The following ENTPD1 variants were observed in gnomAD, a reference collection of about 807,000 sequenced individuals.
ENTPD1 encodes ATP diphosphohydrolase.
In ENTPD1, 33 loss-of-function variants were observed where a neutral mutation model predicts 57.0. The observed-to-expected ratio is 0.58, with a 90% CI of 0.44 to 0.77. The LOEUF (loss-of-function observed/expected upper bound fraction) is 0.77, where lower values mean the gene tolerates loss of function less well. Ranked by LOEUF, ENTPD1 falls within the 30% of genes least tolerant of loss-of-function variation. ENTPD1 has a pLI of 0.00. For synonymous variants in ENTPD1, 202 were observed against 218.8 expected (o/e 0.92, Z 0.68); for missense variants, 501 against 603.4 (o/e 0.83, Z 1.78).
chr10:95,706,534 G>C, the ENTPD1 span, among the ~76,000 whole-genome samples: 1 of 152,150 alleles, frequency 6.6e-6, no homozygotes, highest in Non-Finnish European at 1.5e-5. Flanking sequence ...TCAGCAGAGA[G>C]GAGGCCCTGG....
At chr10:95,775,517 T>G (rs974115803) in intron 1 of ENTPD1, among the ~76,000 whole-genome samples, 2 of 152,210 alleles carry the variant, frequency 1.3e-5, no homozygotes, top group Non-Finnish European at 2.9e-5. Context: ...AATACCTAGT[T>G]TATTGAGAAT....
Position 95,867,694 on chromosome 10 carries a change from G to C in ENTPD1, c.*1311G>C. ...TGCACCCCTTTCCTTAAGGATTGCTGCAAGAGTTACCTGTTGAGCAGGATT... is the reference window on the plus strand; with the variant it reads ...TGCACCCCTTTCCTTAAGGATTGCTCCAAGAGTTACCTGTTGAGCAGGATT... On this transcript the variant is annotated 3_prime_UTR_variant, in exon 10 of 10. Transcript: ENST00000371205. 1.0e-6 allele frequency: 1 copy of C among 985,470 alleles called. No homozygotes were observed. Among genetic ancestry groups the C allele is most frequent in the Non-Finnish European group, 1.2e-6 (1 of 829,956 alleles). 61.0% of individuals were successfully genotyped at this position (985,470 alleles called of 1,614,324 possible).
In ENTPD1 at chr10:95,852,702, G is replaced by T. The variant is rs1270936579; in HGVS notation, c.1074+4996G>T. On this transcript the variant is annotated intron_variant, in intron 7 of 9. Transcript: ENST00000371205. ...TTAAATAGGGAATCCTTTCCCCATT[G>T]TTTGTTTTTGTCAGGTTTGTCAAAG... Among the ~76,000 whole-genome samples the T allele has an allele frequency of 4.6e-5, 7 of 152,266 alleles. No homozygotes were observed. In the South Asian group the frequency reaches 1.5e-3, roughly 32 times the overall value.
At chr10:95,772,291 A>G (rs74517023) in intron 1 of ENTPD1, among the ~76,000 whole-genome samples, 5,667 of 152,294 alleles carry the variant, frequency 0.037, 130 homozygotes, top group Non-Finnish European at 0.049. Flanking sequence ...CTTTCGTGAC[A>G]GATTTCTCTG....
intron 1 of ENTPD1, among the ~76,000 whole-genome samples, chr10:95,794,471 A>G (rs527252212): frequency 6.6e-6 from 1 of 152,152 alleles, no homozygotes; most frequent in Non-Finnish European, 1.5e-5. Context: ...GGCACCAGGG[A>G]GCCATTAAAA....
intron 1 of ENTPD1, among the ~76,000 whole-genome samples, chr10:95,769,120 C>G (rs1244896142): frequency 6.6e-6 from 1 of 152,202 alleles, no homozygotes; most frequent in African/African-American, 2.4e-5. Flanking sequence ...AAAGTCTCGC[C>G]ATGTACAGTA....
rs1472593098 is a variant in ENTPD1 at position 95,870,216 on chromosome 10, C to A, written c.*3833C>A. ...ATGACAAGAGACCTTGGGAAAGTTT[C>A]ATCTGGATTTAAAGATTAATTCTTG... is the stretch of plus-strand genomic sequence containing the variant. On this transcript the variant is annotated 3_prime_UTR_variant, in exon 10 of 10. Transcript: ENST00000371205. The A allele has an allele frequency of 2.0e-6, 2 of 985,316 alleles. No individual in the cohort carries two copies. The highest frequency in any genetic ancestry group is 3.5e-5 in the African/African-American group (2 of 57,242). 61.0% of individuals were successfully genotyped at this position (985,316 alleles called of 1,614,324 possible).
intron 7 of ENTPD1, among the ~76,000 whole-genome samples, chr10:95,853,502 C>G (rs2098449116): frequency 6.6e-6 from 1 of 152,144 alleles, no homozygotes; most frequent in Admixed American, 6.5e-5. Flanking sequence ...GTAGCCCTGT[C>G]TTGTGCCAGT....
upstream of ENTPD1, among the ~76,000 whole-genome samples, chr10:95,709,749 TTTG>T (rs1029543949): frequency 3.5e-4 from 47 of 136,048 alleles, no homozygotes; most frequent in Admixed American, 1.6e-3. Flanking sequence ...TGCAGTGTTT[TTTG>T]TTGTTGTTTG....
intron 7 of ENTPD1, among the ~76,000 whole-genome samples, chr10:95,850,447 C>G (rs147763449): frequency 2.6e-5 from 4 of 152,230 alleles, no homozygotes; most frequent in African/African-American, 9.6e-5. Flanking sequence ...ATATCTACCT[C>G]ATTGATAGTT....
At chr10:95,746,437 C>T (rs2098006164) in intron 1 of ENTPD1, among the ~76,000 whole-genome samples, 1 of 152,168 alleles carries the variant, frequency 6.6e-6, no homozygotes, top group Non-Finnish European at 1.5e-5. Context: ...AATGCTCTGG[C>T]AGCACTCTAA....
chr10:95,864,887 G>A, intron 9 of ENTPD1, 26 bp downstream of exon 9: 2 of 1,611,232 alleles, frequency 1.2e-6, no homozygotes, highest in Non-Finnish European at 1.7e-6. Flanking sequence ...GTTGGGCTGG[G>A]GGGAGGTTGG....
chr10:95,701,252 G>C, the ENTPD1 span, among the ~76,000 whole-genome samples: 1 of 152,140 alleles, frequency 6.6e-6, no homozygotes, highest in Non-Finnish European at 1.5e-5. Context: ...CTTGAGACCA[G>C]GAGTTCAAGA....
At chr10:95,770,750 T>C (rs961852413) in intron 1 of ENTPD1, among the ~76,000 whole-genome samples, 6 of 152,056 alleles carry the variant, frequency 3.9e-5, no homozygotes, top group Non-Finnish European at 5.9e-5. Context: ...TAATGGAGGA[T>C]TAGGGCTGGG....
In ENTPD1 at chr10:95,873,932, A is replaced by G. The variant is rs936114407; in HGVS notation, c.*7549A>G. ...ACTTATTATCACGAGAATAGCACAG[A>G]AAAGACTGGCCTCCATGATTCAATT... On this transcript the variant is annotated 3_prime_UTR_variant, in exon 10 of 10. Transcript: ENST00000371205. Among the ~76,000 whole-genome samples the G allele has an allele frequency of 6.6e-6, 1 of 152,180 alleles. No individual in the cohort carries two copies. Among genetic ancestry groups the G allele is most frequent in the African/African-American group, 2.4e-5 (1 of 41,444 alleles).
chr10:95,808,925 C>A (rs1442648857), intron 1 of ENTPD1, among the ~76,000 whole-genome samples: 1 of 152,070 alleles, frequency 6.6e-6, no homozygotes, highest in East Asian at 1.9e-4. Flanking sequence ...GGTGATGACT[C>A]TTAACTAGCA....
upstream of ENTPD1, chr10:95,755,854 A>G (rs149377176): frequency 9.1e-3 from 13,786 of 1,517,716 alleles, 90 homozygotes; most frequent in Non-Finnish European, 0.011. Flanking sequence ...TCAAGGGAGA[A>G]AAAGGGATTT....
intron 1 of ENTPD1, among the ~76,000 whole-genome samples, chr10:95,820,290 T>G (rs1566193388): frequency 6.6e-6 from 1 of 152,214 alleles, no homozygotes; most frequent in Non-Finnish European, 1.5e-5. Context: ...ATAAAAACAT[T>G]TGAAAAATCA....
At chr10:95,702,564 G>A in the ENTPD1 span, among the ~76,000 whole-genome samples, 3 of 147,960 alleles carry the variant, frequency 2.0e-5, no homozygotes, top group Non-Finnish European at 3.0e-5. Flanking sequence ...AGAGATAATG[G>A]GGTAGACACA....
Sources: allele counts gnomAD v4.1 joint callset (sites outside exome capture counted in the v4.1 genomes callset), GRCh38; gene constraint gnomAD v4.1.1; transcripts MANE v1.5; gene names NCBI Gene and HGNC (gene_info 2026-07-23, HGNC 2026-07-21).